UACA: variants seen among roughly 807,000 people sequenced by gnomAD.
The protein encoded by UACA is uveal autoantigen with coiled-coil domains and ankyrin repeats.
Under a neutral mutation model 160.5 loss-of-function variants are expected in UACA, and 112 were observed. The ratio of observed to expected loss-of-function variants is 0.70; its 90% CI spans 0.60 to 0.82. The LOEUF is 0.82. Among genes scored for constraint, UACA ranks in the 40% least tolerant of loss-of-function variants. The probability of loss-of-function intolerance (pLI) is 0.00; values close to 1 mark genes in which losing one functional copy is unlikely to be tolerated. For synonymous variants in UACA, 557 were observed against 568.4 expected, an observed-to-expected ratio of 0.98 and a Z score of 0.29; for missense variants, 1,574 against 1,614.6, an observed-to-expected ratio of 0.97 and a Z score of 0.43.
intron 1 of UACA, among the ~76,000 whole-genome samples, chr15:70,747,063 C>T: frequency 6.6e-6 from 1 of 152,002 alleles, no homozygotes; most frequent in East Asian, 1.9e-4. Context: ...AACCACTATG[C>T]ACATGTATAC....
chr15:70,775,079 T>A, the UACA span, among the ~76,000 whole-genome samples: 1 of 151,478 alleles, frequency 6.6e-6, no homozygotes, highest in African/African-American at 2.4e-5. Context: ...AAAAAGAAAA[T>A]TAAAATACTT....
chr15:70,700,318 T>TATATATATATATATACACACACAC (rs565377949), intron 1 of UACA, among the ~76,000 whole-genome samples: 1 of 139,762 alleles, frequency 7.2e-6, no homozygotes, highest in African/African-American at 2.9e-5. Flanking sequence ...TATATATATA[T>TATATATATATATATACACACACAC]ACACACACAC....
chr15:70,664,593 G>A (rs1488306683), intron 17 of UACA, 69 bp downstream of exon 17: 5 of 1,503,796 alleles, frequency 3.3e-6, no homozygotes, highest in African/African-American at 2.8e-5. Context: ...ATTTCTAAAT[G>A]AGCCTTACAA....
upstream of UACA, among the ~76,000 whole-genome samples, chr15:70,763,917 C>T (rs576604368): frequency 1.8e-4 from 27 of 152,240 alleles, no homozygotes; most frequent in Non-Finnish European, 3.7e-4. Context: ...AGTTCCTTCC[C>T]TTCCGTCTGG....
intron 8 of UACA, among the ~76,000 whole-genome samples, chr15:70,683,362 A>G (rs1897583586): frequency 6.6e-6 from 1 of 152,110 alleles, no homozygotes; most frequent in African/African-American, 2.4e-5. Flanking sequence ...CCATATCTAA[A>G]AAAAAAGAGG....
At chr15:70,720,927 A>G (rs1299987281) in intron 1 of UACA, among the ~76,000 whole-genome samples, 1 of 152,140 alleles carries the variant, frequency 6.6e-6, no homozygotes, top group Admixed American at 6.6e-5. Context: ...TCTGCTCACT[A>G]CCATGAAAAT....
the UACA span, among the ~76,000 whole-genome samples, chr15:70,773,138 G>C: frequency 6.6e-6 from 1 of 151,892 alleles, no homozygotes; most frequent in African/African-American, 2.4e-5. Context: ...AGAATAGGCA[G>C]GAACTAGACA....
chr15:70,749,504 C>A (rs982674680), intron 1 of UACA, among the ~76,000 whole-genome samples: 2 of 148,928 alleles, frequency 1.3e-5, no homozygotes, highest in African/African-American at 5.0e-5. Context: ...CTGGCCTGGG[C>A]GATAAGCAAG....
intron 1 of UACA, among the ~76,000 whole-genome samples, chr15:70,720,674 T>C (rs1349717425): frequency 6.6e-6 from 1 of 152,236 alleles, no homozygotes; most frequent in African/African-American, 2.4e-5. Flanking sequence ...AGTATTTTCC[T>C]TGAGGAAGAG....
intron 15 of UACA, among the ~76,000 whole-genome samples, chr15:70,669,892 C>A (rs1165036943): frequency 6.6e-6 from 1 of 152,164 alleles, no homozygotes; most frequent in Non-Finnish European, 1.5e-5. Flanking sequence ...TGAATAAAAA[C>A]AAGTACTGCG....
At chr15:70,683,718 A>G (rs1253633120) in intron 8 of UACA, among the ~76,000 whole-genome samples, 2 of 152,142 alleles carry the variant, frequency 1.3e-5, no homozygotes, top group African/African-American at 4.8e-5. Flanking sequence ...TACAATTCAG[A>G]TTTACAGTGA....
intron 1 of UACA, among the ~76,000 whole-genome samples, chr15:70,710,767 G>A (rs188662297): frequency 1.6e-4 from 25 of 152,362 alleles, no homozygotes; most frequent in Non-Finnish European, 3.1e-4. Context: ...GTGGGAAGGC[G>A]TGAAGGGCTT....
chr15:70,701,105 C>G (rs1898345588), intron 1 of UACA, among the ~76,000 whole-genome samples: 1 of 152,096 alleles, frequency 6.6e-6, no homozygotes, highest in South Asian at 2.1e-4. Flanking sequence ...TTTTAACTCA[C>G]TTCTGAAATT....
intron 1 of UACA, among the ~76,000 whole-genome samples, chr15:70,713,440 G>T (rs534960786): frequency 6.6e-6 from 1 of 152,286 alleles, no homozygotes; most frequent in South Asian, 2.1e-4. Context: ...GGTGATAGCC[G>T]AGTGACAAGG....
chr15:70,687,428 G>A (rs527478428), intron 7 of UACA, 112 bp downstream of exon 7: 4 of 910,130 alleles, frequency 4.4e-6, no homozygotes, highest in African/African-American at 3.3e-5. Context: ...CAGGGAAGGG[G>A]AGAACCCACA....
chr15:70,687,450 C>T, intron 7 of UACA, 90 bp downstream of exon 7: 1 of 1,246,284 alleles, frequency 8.0e-7, no homozygotes. Flanking sequence ...GAAAGAAAGG[C>T]CAAGTCAGAG....
intron 15 of UACA, among the ~76,000 whole-genome samples, chr15:70,670,804 A>G (rs1897110962): frequency 6.6e-6 from 1 of 152,210 alleles, no homozygotes; most frequent in Non-Finnish European, 1.5e-5. Flanking sequence ...CAATGAAACT[A>G]TAATTCAAAT....
At chr15:70,750,672 C>T (rs997459321) in intron 1 of UACA, among the ~76,000 whole-genome samples, 3 of 152,168 alleles carry the variant, frequency 2.0e-5, no homozygotes, top group Non-Finnish European at 4.4e-5. Context: ...CGTTCGAGAC[C>T]AGCCTGGGCA....
intron 1 of UACA, among the ~76,000 whole-genome samples, chr15:70,709,228 T>C (rs1355723952): frequency 6.6e-6 from 1 of 152,226 alleles, no homozygotes; most frequent in Non-Finnish European, 1.5e-5. Context: ...CCATATATTA[T>C]AACAAGTAAA....
Sources: allele counts gnomAD v4.1 joint callset (sites outside exome capture counted in the v4.1 genomes callset), GRCh38; gene constraint gnomAD v4.1.1; transcripts MANE v1.5; gene names NCBI Gene and HGNC (gene_info 2026-07-23, HGNC 2026-07-21).